The following PTPRN2 variants were observed in gnomAD, a reference collection of about 807,000 sequenced individuals.
PTPRN2 encodes protein tyrosine phosphatase receptor type N2, also known as receptor-type tyrosine-protein phosphatase N2.
A neutral mutation model predicts 118.8 loss-of-function variants in PTPRN2; 74 were observed. The ratio of observed to expected loss-of-function variants is 0.62; its 90% CI spans 0.52 to 0.76. PTPRN2 has a LOEUF of 0.76. PTPRN2 is among the 30% of genes least tolerant of loss of function. The pLI, the probability that PTPRN2 is intolerant of heterozygous loss-of-function variation, is 0.00. For synonymous variants in PTPRN2, 641 were observed against 608.0 expected (o/e 1.05, Z -0.80); for missense variants, 1,481 against 1,394.4 (o/e 1.06, Z -0.99).
At chr7:157,593,598 T>C (rs1233679359) in intron 17 of PTPRN2, among the ~76,000 whole-genome samples, 1 of 152,224 alleles carries the variant, frequency 6.6e-6, no homozygotes, top group East Asian at 1.9e-4. Flanking sequence ...CTCTGTCCTT[T>C]TCCCTGAGAA....
chr7:158,351,569 C>G (rs571313785), intron 2 of PTPRN2, among the ~76,000 whole-genome samples: 2 of 152,174 alleles, frequency 1.3e-5, no homozygotes, highest in Admixed American at 6.5e-5. Flanking sequence ...TCTTACTACA[C>G]GAAACATGGT....
intron 21 of PTPRN2, among the ~76,000 whole-genome samples, chr7:157,556,175 T>C (rs1357622171): frequency 6.6e-6 from 1 of 152,156 alleles, no homozygotes; most frequent in Non-Finnish European, 1.5e-5. Context: ...GGATGCCACT[T>C]GGCACTGACT....
intron 1 of PTPRN2, among the ~76,000 whole-genome samples, chr7:158,491,901 C>T (rs1486263823): frequency 1.3e-5 from 2 of 152,214 alleles, no homozygotes; most frequent in East Asian, 3.9e-4. Flanking sequence ...AGGAGGTGAA[C>T]GGCCTACAGG....
Position 158,017,269 on chromosome 7 carries a change from A to G in PTPRN2, c.1723+64029T>C, listed in dbSNP as rs1585208672. Among the ~76,000 whole-genome samples the G allele has an allele frequency of 3.9e-5, 6 of 152,324 alleles. No homozygotes were observed. In the East Asian group the frequency reaches 7.7e-4, roughly 20 times the overall value. On this transcript the variant is annotated intron_variant, in intron 11 of 22. Transcript: ENST00000389418. ...GGTAATTATAGACCTTGGCTTTCCC[A>G]GCTAGGAACATCAAAGAGGCCCCGC...
At position 157,964,545 on chromosome 7, in the gene PTPRN2, T is replaced by C. The variant is rs755208075; in HGVS notation, c.1724-65808A>G. On this transcript the variant is annotated intron_variant, in intron 11 of 22. Coordinates refer to ENST00000389418, the MANE Select transcript of PTPRN2 (RefSeq NM_002847.5). This position sits in a 1 kb window ranked among gnomAD's most constrained non-coding sequence, Gnocchi z 9.0. ...TTAAATGTTTGCCAATCTAATTTGG[T>C]CAAAACAGTTCATCCACAACCCCGT... is the stretch of plus-strand genomic sequence containing the variant. Among the ~76,000 whole-genome samples, 2 of 151,978 alleles carry C rather than the reference T, an allele frequency of 1.3e-5. No homozygotes were observed. The highest frequency in any genetic ancestry group is 1.9e-4 in the East Asian group (1 of 5,174).
rs182513412 is a variant in PTPRN2, at chr7:158,076,329, G to A, written c.1723+4969C>T. 2.0e-5 allele frequency among the ~76,000 whole-genome samples: 3 copies of A among 152,328 alleles called. No individual in the cohort carries two copies. In the East Asian group the frequency reaches 5.8e-4, roughly 29 times the overall value. On this transcript the variant is annotated intron_variant, in intron 11 of 22. Coordinates refer to ENST00000389418, the MANE Select transcript of PTPRN2 (RefSeq NM_002847.5). The stretch of plus-strand genomic sequence containing the variant: ...GCCTCCCTGGGGAGTGGGTGTGTGG[G>A]AGCGTGGATGGCTTTAGGCCCCACT...
rs531374824 is a variant in PTPRN2, at chr7:157,669,395, C to A, written c.2002-12844G>T. ...GTCCAGGTAACTTTTACACTTGGAC[C>A]AAGAACAACCCACACACGTGTTTGC... On this transcript the variant is annotated intron_variant, in intron 13 of 22. Transcript: ENST00000389418. The A allele has an allele frequency of 2.2e-4, 91 of 419,038 alleles. 1 individual carries two copies. The Admixed American group carries it at 2.4e-3, about 11-fold the overall frequency. The allele number at this position is 419,038 out of a possible 1,614,324, so 26.0% of individuals were successfully genotyped here.
intron 12 of PTPRN2, among the ~76,000 whole-genome samples, chr7:157,776,935 T>C (rs1332824850): frequency 1.5e-5 from 1 of 67,932 alleles, no homozygotes; most frequent in Non-Finnish European, 3.0e-5. Context: ...TCCTCGTCCT[T>C]CCTCTCCTCT....
intron 1 of PTPRN2, among the ~76,000 whole-genome samples, chr7:158,580,240 T>C (rs1223204745): frequency 1.3e-5 from 2 of 152,260 alleles, no homozygotes; most frequent in Non-Finnish European, 2.9e-5. Context: ...ACAGATTAAC[T>C]GCTGCTTTGA....
chr7:158,142,852 C>T (rs758566396), intron 6 of PTPRN2, among the ~76,000 whole-genome samples: 9 of 152,194 alleles, frequency 5.9e-5, no homozygotes, highest in Non-Finnish European at 1.2e-4. Context: ...CACCCATGCC[C>T]CAGCTCCTTC....
intron 14 of PTPRN2, among the ~76,000 whole-genome samples, chr7:157,645,277 C>T (rs1478636256): frequency 6.6e-6 from 1 of 152,210 alleles, no homozygotes; most frequent in Admixed American, 6.5e-5. Context: ...TGCTCAGTCT[C>T]ACGCAAGCCA....
intron 12 of PTPRN2, among the ~76,000 whole-genome samples, chr7:157,705,731 C>A (rs1404115631): frequency 6.6e-6 from 1 of 151,974 alleles, no homozygotes; most frequent in Non-Finnish European, 1.5e-5. Context: ...TCACATCCCC[C>A]AGAATGCTGG....
intron 6 of PTPRN2, among the ~76,000 whole-genome samples, chr7:158,146,818 C>T (rs188911180): frequency 4.6e-5 from 7 of 152,100 alleles, no homozygotes; most frequent in East Asian, 1.9e-4. Flanking sequence ...CACAGACACA[C>T]TAAAATGTTT....
intron 11 of PTPRN2, among the ~76,000 whole-genome samples, chr7:157,935,450 A>C (rs768454038): frequency 2.6e-5 from 4 of 151,296 alleles, no homozygotes; most frequent in Non-Finnish European, 4.4e-5. Flanking sequence ...CCATCTTACA[A>C]GCTCTCCTTT....
At chr7:158,319,983 A>T (rs866478691) in intron 2 of PTPRN2, among the ~76,000 whole-genome samples, 3 of 83,286 alleles carry the variant, frequency 3.6e-5, no homozygotes, top group African/African-American at 9.1e-5. Context: ...TCACACACAC[A>T]CAGCCTCCCT....
At chr7:157,548,364 A>G (rs1798428907) in intron 22 of PTPRN2, among the ~76,000 whole-genome samples, 1 of 152,198 alleles carries the variant, frequency 6.6e-6, no homozygotes, top group Non-Finnish European at 1.5e-5. Flanking sequence ...AGGAGCAGAG[A>G]GGCCAAAGGC....
Position 157,597,484 on chromosome 7 carries a change from G to GT in PTPRN2, c.2419-2170dup, listed in dbSNP as rs572378771. Reference sequence around the variant, plus strand: ...CTCCTTCTGAAATGTGTGTGTGTGTGTTTTTTTTTTTGCCCAGAGCAATTT... The same window carrying GT: ...CTCCTTCTGAAATGTGTGTGTGTGTGTTTTTTTTTTTTGCCCAGAGCAATTT... On this transcript the variant is annotated intron_variant, in intron 16 of 22. Coordinates refer to ENST00000389418, the MANE Select transcript of PTPRN2 (RefSeq NM_002847.5). Among the ~76,000 whole-genome samples, 305 of 145,654 alleles carry GT rather than the reference G, an allele frequency of 2.1e-3. 1 individual carries two copies. Among genetic ancestry groups the GT allele is most frequent in the Middle Eastern group, 0.011 (3 of 274 alleles).
At chr7:158,059,540 A>ACG (rs766067207) in intron 11 of PTPRN2, among the ~76,000 whole-genome samples, 1 of 107,958 alleles carries the variant, frequency 9.3e-6, no homozygotes, top group Non-Finnish European at 1.8e-5. Context: ...CTCCATCTGC[A>ACG]GTGACACATC....
Position 157,915,751 on chromosome 7 carries a change from C to T in PTPRN2, c.1724-17014G>A, listed in dbSNP as rs548609997. On this transcript the variant is annotated intron_variant, in intron 11 of 22. Transcript: ENST00000389418. ...AACATCAGTCATCCACTGATGTCCCCGGGTTCCTGCTCTCACTTGGCTTGG... is the reference window on the plus strand; with the variant it reads ...AACATCAGTCATCCACTGATGTCCCTGGGTTCCTGCTCTCACTTGGCTTGG... Among the ~76,000 whole-genome samples the T allele has an allele frequency of 8.5e-5, 13 of 152,274 alleles. 2 individuals are homozygous for T. The highest frequency in any genetic ancestry group is 2.1e-4 in the South Asian group (1 of 4,812).
Sources: allele counts gnomAD v4.1 joint callset (sites outside exome capture counted in the v4.1 genomes callset), GRCh38; gene constraint gnomAD v4.1.1; non-coding constraint Gnocchi (gnomAD v3.1); transcripts MANE v1.5; gene names NCBI Gene and HGNC (gene_info 2026-07-23, HGNC 2026-07-21).